WDFY3: variants seen among roughly 807,000 people sequenced by gnomAD.
The protein encoded by WDFY3 is WD repeat and FYVE domain-containing protein 3.
In WDFY3, 66 loss-of-function variants were observed where a neutral mutation model predicts 409.6. The ratio of observed to expected loss-of-function variants is 0.16; its 90% CI spans 0.13 to 0.20. The LOEUF (loss-of-function observed/expected upper bound fraction) is 0.20, where lower values mean the gene tolerates loss of function less well. WDFY3 is among the 10% of genes least tolerant of loss of function. The pLI is 1.00. For missense variants in WDFY3, 3,031 were observed against 4,298.1 expected (o/e 0.71, Z 8.24); for synonymous variants, 1,521 against 1,537.1 (o/e 0.99, Z 0.25).
chr4:84,857,515 G>C (rs1202906633), intron 4 of WDFY3, among the ~76,000 whole-genome samples: 1 of 152,044 alleles, frequency 6.6e-6, no homozygotes, highest in Non-Finnish European at 1.5e-5. Context: ...CTCCTCAGTA[G>C]CCAACAGCAC....
Position 84,831,510 on chromosome 4 carries a change from G to C in WDFY3, c.672C>G (p.Cys224Trp). The change falls in exon 8 of 68, where the codon TGC becomes TGG. Residue 224 changes from cysteine (C) to tryptophan (W), a missense_variant. By Grantham distance (215) the Cys-to-Trp change is radical (BLOSUM62 -2). Transcript: ENST00000295888. Reference protein sequence around the residue: ...QLLFSAITSWCPPYNLPWRKS... With the variant: ...QLLFSAITSWWPPYNLPWRKS... ...TTCTCCAAGGCAGGTTATAGGGAGG[G>C]CACCAAGAGGTTATTGCACTGAATA... The C allele has an allele frequency of 6.2e-7, 1 of 1,614,074 alleles. No homozygotes were observed. Among genetic ancestry groups the C allele is most frequent in the Non-Finnish European group, 8.5e-7 (1 of 1,179,990 alleles).
rs762661559 is a variant in WDFY3 at position 84,684,145 on chromosome 4, C to T, written c.9544-20G>A. The T allele has an allele frequency of 7.2e-6, 11 of 1,520,248 alleles. No homozygotes were observed. The highest frequency in any genetic ancestry group is 1.4e-5 in the African/African-American group (1 of 72,586). 94.2% of individuals were successfully genotyped at this position (1,520,248 alleles called of 1,614,324 possible). ...GTCCCCCTGAGAAGAGAGAGAAAAACGTCATTCTCTTTGCTCCCTTCCAAT... is the reference window on the plus strand; with the variant it reads ...GTCCCCCTGAGAAGAGAGAGAAAAATGTCATTCTCTTTGCTCCCTTCCAAT... On this transcript the variant is annotated intron_variant, in intron 62 of 67. Transcript: ENST00000295888.
chr4:84,892,555 T>C (rs180772560), intron 3 of WDFY3, among the ~76,000 whole-genome samples: 54 of 152,328 alleles, frequency 3.5e-4, no homozygotes, highest in African/African-American at 1.3e-3. Flanking sequence ...AGACCACTTA[T>C]TGCTATTGGC....
chr4:84,893,434 G>A lies in WDFY3; in HGVS notation c.-32+3477C>T, dbSNP rs1250592366. ...ACTGTTTTCTCCTCACTTCACTTAA[G>A]TTAAAAGATTTCTTCCCTATTCTTT... is the stretch of plus-strand genomic sequence containing the variant. On this transcript the variant is annotated intron_variant, in intron 3 of 67. Transcript: ENST00000295888. 2.0e-5 allele frequency among the ~76,000 whole-genome samples: 3 copies of A among 152,098 alleles called. No individual in the cohort carries two copies. The East Asian group carries it at 5.8e-4, about 29-fold the overall frequency.
intron 1 of WDFY3, among the ~76,000 whole-genome samples, chr4:84,932,981 A>G (rs1770957336): frequency 6.6e-6 from 1 of 152,158 alleles, no homozygotes. Flanking sequence ...CATGAGATCT[A>G]GTTTCTTAGG....
At chr4:84,747,506 T>G (rs570783516) in intron 36 of WDFY3, among the ~76,000 whole-genome samples, 17 of 152,168 alleles carry the variant, frequency 1.1e-4, no homozygotes, top group Non-Finnish European at 1.8e-4. Context: ...GGAGCTCTTG[T>G]AGAAGATGGT....
intron 22 of WDFY3, among the ~76,000 whole-genome samples, chr4:84,788,290 A>G (rs1352874543): frequency 6.6e-6 from 1 of 152,158 alleles, no homozygotes; most frequent in Non-Finnish European, 1.5e-5. Flanking sequence ...TTCAGATCCT[A>G]TTCATTATTC....
chr4:84,760,885 T>A (rs1742451680), intron 32 of WDFY3, among the ~76,000 whole-genome samples: 1 of 145,226 alleles, frequency 6.9e-6, no homozygotes, highest in Non-Finnish European at 1.5e-5. Flanking sequence ...CTAGTTCTTT[T>A]AATTGTGATG....
chr4:84,699,471 T>A (rs868314957), intron 56 of WDFY3, among the ~76,000 whole-genome samples: 4 of 152,236 alleles, frequency 2.6e-5, no homozygotes, highest in African/African-American at 9.6e-5. Context: ...TTGATAGACA[T>A]CTGGGCTGTT....
At chr4:84,801,898 C>A in intron 16 of WDFY3, 34 bp from the exon 17 acceptor site, 1 of 1,587,266 alleles carries the variant, frequency 6.3e-7, no homozygotes, top group South Asian at 1.1e-5. Flanking sequence ...ACAGTCAGGT[C>A]ATTCTTAGTG....
intron 64 of WDFY3, among the ~76,000 whole-genome samples, chr4:84,681,351 A>G (rs1727313532): frequency 6.6e-6 from 1 of 152,174 alleles, no homozygotes; most frequent in East Asian, 1.9e-4. Context: ...CCTTAATTCA[A>G]TATCTGACAT....
chr4:84,778,466 A>G (rs768577377), intron 27 of WDFY3, 37 bp downstream of exon 27: 2 of 1,488,776 alleles, frequency 1.3e-6, no homozygotes, highest in East Asian at 2.4e-5. Flanking sequence ...AAATGCATTC[A>G]TTGATTATAT....
chr4:84,769,271 T>G (rs1744208280), intron 30 of WDFY3, among the ~76,000 whole-genome samples: 1 of 152,212 alleles, frequency 6.6e-6, no homozygotes, highest in Non-Finnish European at 1.5e-5. Context: ...TGACAGTTTT[T>G]GAAAGGATTG....
At chr4:84,881,969 T>C (rs977856816) in intron 3 of WDFY3, among the ~76,000 whole-genome samples, 1 of 152,228 alleles carries the variant, frequency 6.6e-6, no homozygotes, top group African/African-American at 2.4e-5. Context: ...TGGTCGTATT[T>C]ATACTCAACT....
intron 56 of WDFY3, among the ~76,000 whole-genome samples, chr4:84,701,099 G>C (rs1307128886): frequency 6.6e-6 from 1 of 152,238 alleles, no homozygotes; most frequent in Non-Finnish European, 1.5e-5. Context: ...GACAGTGCAA[G>C]ACTCTGTCTC....
In WDFY3 at chr4:84,747,681, T is replaced by C. The variant is rs1226718610; in HGVS notation, c.5973+3802A>G. 3.3e-5 allele frequency among the ~76,000 whole-genome samples: 5 copies of C among 152,150 alleles called. No individual in the cohort carries two copies. The East Asian group carries it at 9.7e-4, about 30-fold the overall frequency. On this transcript the variant is annotated intron_variant, in intron 36 of 67. Transcript: ENST00000295888. Reference sequence around the variant, plus strand: ...ATGGGGGTGGTTACTCTCATGCTGTTCTTGTGATAGTGAGTGAGTTCTCAT... The same window carrying C: ...ATGGGGGTGGTTACTCTCATGCTGTCCTTGTGATAGTGAGTGAGTTCTCAT...
Position 84,780,093 on chromosome 4 carries a change from T to A in WDFY3, c.4365+15A>T. On this transcript the variant is annotated intron_variant, in intron 26 of 67. Transcript: ENST00000295888. ...GTGCCAGGTGAAGTGAAGGCAAAGT[T>A]TTACAGTTACAAACCTGGTAGCCCT... The A allele has an allele frequency of 6.4e-7, 1 of 1,554,954 alleles. No individual in the cohort carries two copies. The highest frequency in any genetic ancestry group is 8.7e-7 in the Non-Finnish European group (1 of 1,150,704).
chr4:84,700,685 T>C (rs1164227640), intron 56 of WDFY3, among the ~76,000 whole-genome samples: 1 of 152,246 alleles, frequency 6.6e-6, no homozygotes, highest in Non-Finnish European at 1.5e-5. Context: ...AAGTGATAGA[T>C]GTTTCTGGAA....
intron 56 of WDFY3, among the ~76,000 whole-genome samples, chr4:84,700,108 T>G (rs770463307): frequency 3.3e-5 from 5 of 152,322 alleles, no homozygotes; most frequent in Non-Finnish European, 7.3e-5. Context: ...TGATATCATA[T>G]TTAAGAATAT....
Sources: gnomAD v4.1 joint callset for allele counts (sites outside exome capture counted in the v4.1 genomes callset) on GRCh38, gnomAD v4.1.1 for gene constraint, MANE v1.5 for transcripts, NCBI Gene and HGNC (gene_info 2026-07-23, HGNC 2026-07-21) for gene names.